The following SH3BP5 variants were observed in gnomAD, a reference collection of about 807,000 sequenced individuals.
SH3BP5 encodes the protein SH3 domain-binding protein 5.
In SH3BP5, 22 loss-of-function variants were observed where a neutral mutation model predicts 43.3. The observed-to-expected ratio is 0.51, with a 90% CI of 0.36 to 0.73. SH3BP5 has a LOEUF of 0.73. Ranked by LOEUF, SH3BP5 falls within the 30% of genes least tolerant of loss-of-function variation. The pLI is 0.00. For missense variants in SH3BP5, 529 were observed against 586.9 expected (o/e 0.90, Z 1.02); for synonymous variants, 255 against 225.8 (o/e 1.13, Z -1.16).
intron 2 of SH3BP5, among the ~76,000 whole-genome samples, chr3:15,320,928 T>C (rs990940833): frequency 6.6e-6 from 1 of 152,180 alleles, no homozygotes; most frequent in Non-Finnish European, 1.5e-5. Context: ...GATCCTGCCA[T>C]GGGTTTCAGC....
intron 2 of SH3BP5, among the ~76,000 whole-genome samples, chr3:15,329,748 G>C (rs1575357434): frequency 6.6e-6 from 1 of 152,204 alleles, no homozygotes; most frequent in Non-Finnish European, 1.5e-5. Context: ...GTCCCTTTGG[G>C]GTTCTGACAG....
intron 4 of SH3BP5, among the ~76,000 whole-genome samples, chr3:15,265,247 G>T (rs1696590755): frequency 6.6e-6 from 1 of 152,068 alleles, no homozygotes; most frequent in South Asian, 2.1e-4. Flanking sequence ...GGTGCGATGG[G>T]GCTCATGCCT....
chr3:15,296,475 A>ATC (rs1269536163), intron 3 of SH3BP5, among the ~76,000 whole-genome samples: 1 of 152,102 alleles, frequency 6.6e-6, no homozygotes, highest in Middle Eastern at 3.2e-3. Context: ...CAAGGACAGG[A>ATC]TCTCTGTTCT....
At chr3:15,306,442 A>C (rs541626967) in intron 2 of SH3BP5, among the ~76,000 whole-genome samples, 63 of 152,314 alleles carry the variant, frequency 4.1e-4, no homozygotes, top group African/African-American at 1.5e-3. Context: ...CAGAAGGTTG[A>C]GGCCGCAGTG....
At chr3:15,277,814 C>T (rs1199138489) in intron 3 of SH3BP5, among the ~76,000 whole-genome samples, 1 of 151,916 alleles carries the variant, frequency 6.6e-6, no homozygotes, top group Non-Finnish European at 1.5e-5. Flanking sequence ...ATGCATACAC[C>T]CCCCCAGCAC....
At chr3:15,289,063 A>G (rs1379897082) in intron 3 of SH3BP5, among the ~76,000 whole-genome samples, 2 of 152,238 alleles carry the variant, frequency 1.3e-5, no homozygotes, top group Non-Finnish European at 1.5e-5. Context: ...CTATATTTCC[A>G]TGCTCAAAAG....
At chr3:15,267,917 T>C (rs969578970) in intron 4 of SH3BP5, among the ~76,000 whole-genome samples, 1 of 152,204 alleles carries the variant, frequency 6.6e-6, no homozygotes, top group Non-Finnish European at 1.5e-5. Flanking sequence ...GGTCTCCAGC[T>C]GGGGTGGAAG....
chr3:15,327,772 T>C (rs1008454922), intron 2 of SH3BP5, among the ~76,000 whole-genome samples: 11 of 152,212 alleles, frequency 7.2e-5, no homozygotes, highest in African/African-American at 4.8e-5. Flanking sequence ...CCTGGCTCCT[T>C]TGTGACAGAA....
intron 3 of SH3BP5, among the ~76,000 whole-genome samples, chr3:15,299,680 A>G (rs867753647): frequency 1.2e-4 from 18 of 151,844 alleles, no homozygotes; most frequent in African/African-American, 4.4e-4. Context: ...TTTTTATTTC[A>G]TATAGAGACA....
At chr3:15,259,259 A>G in intron 6 of SH3BP5, 1 of 601,392 alleles carries the variant, frequency 1.7e-6, no homozygotes, top group South Asian at 2.0e-5. Context: ...CCAGGTGACA[A>G]CCTCTAATAT....
intron 4 of SH3BP5, among the ~76,000 whole-genome samples, chr3:15,265,883 A>C (rs1347580896): frequency 1.3e-5 from 2 of 151,944 alleles, no homozygotes; most frequent in African/African-American, 4.8e-5. Context: ...AGAAAATAGC[A>C]AACACCCGGC....
chr3:15,291,271 G>A (rs1317775449), intron 3 of SH3BP5, among the ~76,000 whole-genome samples: 1 of 152,120 alleles, frequency 6.6e-6, no homozygotes, highest in African/African-American at 2.4e-5. Flanking sequence ...GACAAAGTGG[G>A]AGCCAGGGTT....
rs550779862 is a variant in SH3BP5, at chr3:15,314,529, C to T, written c.202-10298G>A. 1.7e-3 allele frequency among the ~76,000 whole-genome samples: 257 copies of T among 152,206 alleles called. 1 individual carries two copies. Among genetic ancestry groups the T allele is most frequent in the African/African-American group, 5.8e-3 (241 of 41,524 alleles). ...AGAGTGGGGGAGCAAGGGAGCCAAA[C>T]CAGAAAGGCCAAGGCAGGAGGGTGT... is the stretch of plus-strand genomic sequence containing the variant. On this transcript the variant is annotated intron_variant, in intron 2 of 8. Transcript: ENST00000383791.
At chr3:15,283,664 C>A (rs1354951218) in intron 3 of SH3BP5, among the ~76,000 whole-genome samples, 1 of 152,224 alleles carries the variant, frequency 6.6e-6, no homozygotes, top group African/African-American at 2.4e-5. Flanking sequence ...GCTCTCAGCT[C>A]TTTCTCTGTC....
At chr3:15,321,529 T>TA (rs1234709292) in intron 2 of SH3BP5, among the ~76,000 whole-genome samples, 1 of 151,482 alleles carries the variant, frequency 6.6e-6, no homozygotes, top group African/African-American at 2.4e-5. Flanking sequence ...TTTTTTTTTT[T>TA]ACAACAGACT....
Position 15,323,224 on chromosome 3 carries a change from C to T in SH3BP5, c.201+7280G>A, listed in dbSNP as rs191002066. 9.8e-5 allele frequency among the ~76,000 whole-genome samples: 15 copies of T among 152,348 alleles called. No homozygotes were observed. The East Asian group carries it at 2.3e-3, about 23-fold the overall frequency. Reference sequence around the variant, plus strand: ...TTACAGCAGGCAGGCCACAGCGCAACGCCCTGCTGATCCAGTGACTACAAA... The same window carrying T: ...TTACAGCAGGCAGGCCACAGCGCAATGCCCTGCTGATCCAGTGACTACAAA... On this transcript the variant is annotated intron_variant, in intron 2 of 8. Transcript: ENST00000383791.
At chr3:15,282,654 T>G (rs555796421) in intron 3 of SH3BP5, among the ~76,000 whole-genome samples, 1 of 150,950 alleles carries the variant, frequency 6.6e-6, no homozygotes, top group Non-Finnish European at 1.5e-5. Context: ...CTGGGGAAAT[T>G]TGAAAAAGGC....
intron 2 of SH3BP5, among the ~76,000 whole-genome samples, chr3:15,305,409 G>C (rs532685529): frequency 6.6e-6 from 1 of 152,332 alleles, no homozygotes; most frequent in South Asian, 2.1e-4. Flanking sequence ...CTGGTGCTGG[G>C]CCTTGGGCGT....
At chr3:15,272,351 C>G (rs1360596544) in intron 3 of SH3BP5, among the ~76,000 whole-genome samples, 1 of 152,102 alleles carries the variant, frequency 6.6e-6, no homozygotes, top group African/African-American at 2.4e-5. Flanking sequence ...CTGTATGTGA[C>G]AGTGCCACAG....
Sources: allele counts gnomAD v4.1 joint callset (sites outside exome capture counted in the v4.1 genomes callset), GRCh38; gene constraint gnomAD v4.1.1; transcripts MANE v1.5; gene names NCBI Gene and HGNC (gene_info 2026-07-23, HGNC 2026-07-21).